Variants in SLIT3 observed in about 807,000 individuals in gnomAD.
The protein encoded by SLIT3 is slit homolog 3 protein.
SLIT3 carries 68 observed loss-of-function variants against 184.0 expected under a neutral mutation model. The observed-to-expected ratio is 0.37, with a 90% CI of 0.30 to 0.45. The LOEUF (loss-of-function observed/expected upper bound fraction) is 0.45, where lower values mean the gene tolerates loss of function less well. Among genes scored for constraint, SLIT3 ranks in the 20% least tolerant of loss-of-function variants. The pLI is 1.00. For missense variants in SLIT3, 1,707 were observed against 2,026.0 expected (o/e 0.84, Z 3.02); for synonymous variants, 831 against 828.6 (o/e 1.00, Z -0.05).
chr5:168,836,863 G>A (rs1418665775), intron 6 of SLIT3, among the ~76,000 whole-genome samples: 10 of 152,100 alleles, frequency 6.6e-5, no homozygotes, highest in Admixed American at 2.0e-4. Context: ...CTAGCTTTTG[G>A]TTAACAGGAA....
intron 31 of SLIT3, 58 bp from the exon 32 acceptor site, chr5:168,684,154 G>T: frequency 1.4e-6 from 2 of 1,452,360 alleles, no homozygotes; most frequent in Non-Finnish European, 1.8e-6. Context: ...AACCTTCCCT[G>T]CCCATCTCAC....
At chr5:168,909,278 G>A (rs1351594536) in intron 4 of SLIT3, among the ~76,000 whole-genome samples, 1 of 152,048 alleles carries the variant, frequency 6.6e-6, no homozygotes, top group Admixed American at 6.6e-5. Context: ...GTTTAATTTG[G>A]CTTGCAAATT....
At position 169,104,037 on chromosome 5, in the gene SLIT3, A is replaced by G. The variant is rs140511644; in HGVS notation, c.413+89442T>C. Among the ~76,000 whole-genome samples, 807 of 152,336 alleles carry G rather than the reference A, an allele frequency of 5.3e-3. 3 individuals are homozygous for G. Among genetic ancestry groups the G allele is most frequent in the African/African-American group, 0.018 (761 of 41,576 alleles). On this transcript the variant is annotated intron_variant, in intron 4 of 35. Coordinates refer to ENST00000519560, the MANE Select transcript of SLIT3 (RefSeq NM_003062.4). Reference sequence around the variant, plus strand: ...CCTGTTACTCCCGAATCCAGTTCCAAAAACAATACTGGGCCTGATGCATTA... The same window carrying G: ...CCTGTTACTCCCGAATCCAGTTCCAGAAACAATACTGGGCCTGATGCATTA...
chr5:168,799,301 T>C (rs1278994268), intron 9 of SLIT3, among the ~76,000 whole-genome samples: 1 of 152,232 alleles, frequency 6.6e-6, no homozygotes, highest in Non-Finnish European at 1.5e-5. Flanking sequence ...TAGGGATGTG[T>C]CTGAAGCCAA....
intron 6 of SLIT3, among the ~76,000 whole-genome samples, chr5:168,825,787 G>C (rs1028733629): frequency 3.3e-5 from 5 of 152,206 alleles, no homozygotes; most frequent in African/African-American, 9.6e-5. Flanking sequence ...CAGGCACTCT[G>C]CCTTGGCAGG....
intron 3 of SLIT3, among the ~76,000 whole-genome samples, chr5:169,240,553 GGTTA>G: frequency 7.3e-6 from 1 of 136,122 alleles, no homozygotes; most frequent in East Asian, 2.2e-4. Context: ...CTAACCTTTC[GGTTA>G]GTGTTTTCAT....
At chr5:169,083,979 C>T (rs142603557) in intron 4 of SLIT3, among the ~76,000 whole-genome samples, 131 of 152,320 alleles carry the variant, frequency 8.6e-4, no homozygotes, top group East Asian at 9.7e-4. Context: ...TTACTCCCTT[C>T]GCTTGGAGGG....
At chr5:169,173,932 C>T (rs932840514) in intron 4 of SLIT3, among the ~76,000 whole-genome samples, 1 of 152,202 alleles carries the variant, frequency 6.6e-6, no homozygotes, top group Admixed American at 6.5e-5. Context: ...AGACCCCAGG[C>T]CCCATCCACA....
intron 4 of SLIT3, among the ~76,000 whole-genome samples, chr5:169,075,365 T>C (rs2113137695): frequency 6.6e-6 from 1 of 152,330 alleles, no homozygotes; most frequent in East Asian, 1.9e-4. Flanking sequence ...GGAAATAAAG[T>C]GTCTGCATCA....
At chr5:169,089,578 G>T (rs1405430598) in intron 4 of SLIT3, among the ~76,000 whole-genome samples, 1 of 152,146 alleles carries the variant, frequency 6.6e-6, no homozygotes, top group East Asian at 1.9e-4. Context: ...TACACTCTGT[G>T]CCCCTAGTGG....
At position 168,675,088 on chromosome 5, in the gene SLIT3, G is replaced by A. The variant is rs187158417; in HGVS notation, c.3687-1757C>T. Among the ~76,000 whole-genome samples, 31 of 152,286 alleles carry A rather than the reference G, an allele frequency of 2.0e-4. No homozygotes were observed. The East Asian group carries it at 5.0e-3, about 25-fold the overall frequency. Reference sequence around the variant, plus strand: ...GTGCTCTTTCCAGCGCTCCACCCTCGGCGGGGGCTGGGAGGGAACAGTGGT... The same window carrying A: ...GTGCTCTTTCCAGCGCTCCACCCTCAGCGGGGGCTGGGAGGGAACAGTGGT... On this transcript the variant is annotated intron_variant, in intron 32 of 35. Transcript: ENST00000519560.
intron 6 of SLIT3, among the ~76,000 whole-genome samples, chr5:168,831,119 T>C (rs1757866435): frequency 6.6e-6 from 1 of 152,222 alleles, no homozygotes; most frequent in Non-Finnish European, 1.5e-5. Context: ...GGCTAACACG[T>C]ATCAGTGTTG....
At chr5:169,127,607 G>A (rs1221330074) in intron 4 of SLIT3, among the ~76,000 whole-genome samples, 2 of 152,174 alleles carry the variant, frequency 1.3e-5, no homozygotes, top group African/African-American at 4.8e-5. Flanking sequence ...GCAAATCAGG[G>A]TCTTTCTGGG....
chr5:169,036,506 C>T (rs1581335976), intron 4 of SLIT3: 1 of 152,260 alleles, frequency 6.6e-6, no homozygotes, highest in East Asian at 1.9e-4. Flanking sequence ...CAGTGGAAAA[C>T]CTACCTCCCC....
rs375186627 is a variant in SLIT3 at position 168,912,774 on chromosome 5, A to G, written c.414-29438T>C. Reference sequence around the variant, plus strand: ...CCTCCACAAGTGGCCAGGCTGGGCTATAAACCCATCTCCTCCCCACATCAC... The same window carrying G: ...CCTCCACAAGTGGCCAGGCTGGGCTGTAAACCCATCTCCTCCCCACATCAC... On this transcript the variant is annotated intron_variant, in intron 4 of 35. Transcript: ENST00000519560. Among the ~76,000 whole-genome samples, 4 of 152,128 alleles carry G rather than the reference A, an allele frequency of 2.6e-5. 1 individual carries two copies. Among genetic ancestry groups the G allele is most frequent in the African/African-American group, 9.7e-5 (4 of 41,420 alleles).
chr5:169,282,698 C>T (rs1767031081), intron 1 of SLIT3, among the ~76,000 whole-genome samples: 2 of 152,288 alleles, frequency 1.3e-5, no homozygotes, highest in South Asian at 2.1e-4. Flanking sequence ...GAAAACTGTG[C>T]TAGAAGCAAC....
chr5:168,892,416 C>T (rs535310331), intron 4 of SLIT3, among the ~76,000 whole-genome samples: 31 of 152,246 alleles, frequency 2.0e-4, no homozygotes, highest in African/African-American at 7.5e-4. Context: ...GATGCTGTAG[C>T]TACGCAGCAT....
intron 29 of SLIT3, among the ~76,000 whole-genome samples, chr5:168,688,157 C>T (rs764572762): frequency 3.3e-5 from 5 of 152,246 alleles, no homozygotes; most frequent in Non-Finnish European, 7.3e-5. Flanking sequence ...GGTGCACCCA[C>T]AGGCACATAT....
chr5:169,202,260 T>A (rs1763924883), intron 3 of SLIT3, among the ~76,000 whole-genome samples: 1 of 151,974 alleles, frequency 6.6e-6, no homozygotes, highest in African/African-American at 2.4e-5. Flanking sequence ...TAAAATAAAA[T>A]AAAAATCTCT....
Sources: gnomAD v4.1 joint callset for allele counts (sites outside exome capture counted in the v4.1 genomes callset) on GRCh38, gnomAD v4.1.1 for gene constraint, MANE v1.5 for transcripts, NCBI Gene and HGNC (gene_info 2026-07-23, HGNC 2026-07-21) for gene names.